GPATCH2: variants seen among roughly 807,000 people sequenced by gnomAD.
The protein encoded by GPATCH2 is G-patch domain containing 2, also known as G patch domain-containing protein 2.
In GPATCH2, 51 loss-of-function variants were observed where a neutral mutation model predicts 58.0. That is an observed-to-expected ratio of 0.88 (90% CI 0.70 to 1.11). GPATCH2 has a LOEUF of 1.11. GPATCH2 is among the 50% of genes most tolerant of loss of function. GPATCH2 has a pLI of 0.00. For synonymous variants in GPATCH2, 222 were observed against 218.5 expected, an observed-to-expected ratio of 1.02 and a Z score of -0.14; for missense variants, 625 against 652.2, an observed-to-expected ratio of 0.96 and a Z score of 0.45.
intron 5 of GPATCH2, among the ~76,000 whole-genome samples, chr1:217,552,951 T>C (rs1389440516): frequency 1.3e-5 from 2 of 152,042 alleles, no homozygotes; most frequent in African/African-American, 4.8e-5. Context: ...ATCTCAGGAG[T>C]GTGAATTTGA....
Position 217,567,918 on chromosome 1 carries a change from T to C in GPATCH2, c.1098+42403A>G, listed in dbSNP as rs566072994. Among the ~76,000 whole-genome samples, 152 of 152,208 alleles carry C rather than the reference T, an allele frequency of 1.0e-3. 1 individual carries two copies. The Middle Eastern group carries it at 0.014, about 14-fold the overall frequency. On this transcript the variant is annotated intron_variant, in intron 5 of 9. Coordinates refer to ENST00000366935, the MANE Select transcript of GPATCH2 (RefSeq NM_018040.5). ...GATCACAAGGTCAGGAGATCGAGACTATCCTGGCTAACATGGTGAAACCCC... is the reference window on the plus strand; with the variant it reads ...GATCACAAGGTCAGGAGATCGAGACCATCCTGGCTAACATGGTGAAACCCC...
intron 7 of GPATCH2, among the ~76,000 whole-genome samples, chr1:217,493,922 C>A (rs1268825230): frequency 2.0e-5 from 3 of 151,108 alleles, no homozygotes; most frequent in Non-Finnish European, 3.0e-5. Flanking sequence ...TACAACAGTT[C>A]AAACAAAGAA....
rs1175703173 is a variant in GPATCH2 at position 217,620,262 on chromosome 1, T to C, written c.294A>G (p.Glu98=). ...GATTCTCTCTATAGTCCTTGCTTGG[T>C]TCTTCTAAACTAGAATCAGAGCCTT... ...LSEGSDSSLE[E]PSKDYRENHN... The change falls in exon 2 of 10, where the codon GAA becomes GAG. Residue 98 remains glutamate, a synonymous_variant. Transcript: ENST00000366935. The C allele has an allele frequency of 3.1e-6, 5 of 1,613,912 alleles. No individual in the cohort carries two copies. Among genetic ancestry groups the C allele is most frequent in the Middle Eastern group, 1.6e-4 (1 of 6,084 alleles).
chr1:217,553,453 T>C (rs1396909161), intron 5 of GPATCH2, among the ~76,000 whole-genome samples: 2 of 152,122 alleles, frequency 1.3e-5, no homozygotes, highest in Non-Finnish European at 2.9e-5. Context: ...CATGTGAATA[T>C]GGCTTTAAGT....
intron 2 of GPATCH2, among the ~76,000 whole-genome samples, chr1:217,616,554 C>T (rs1296576543): frequency 6.6e-6 from 1 of 152,146 alleles, no homozygotes; most frequent in Non-Finnish European, 1.5e-5. Flanking sequence ...TGCATGTATA[C>T]AACATGTTTC....
At chr1:217,513,375 G>T (rs1483284664) in intron 6 of GPATCH2, among the ~76,000 whole-genome samples, 1 of 151,834 alleles carries the variant, frequency 6.6e-6, no homozygotes, top group African/African-American at 2.4e-5. Context: ...GCCACTATAA[G>T]ATTATGATAT....
intron 8 of GPATCH2, among the ~76,000 whole-genome samples, chr1:217,486,597 T>G (rs569377608): frequency 9.4e-4 from 143 of 152,280 alleles, no homozygotes; most frequent in African/African-American, 3.3e-3. Flanking sequence ...CCTTCCAAAG[T>G]GCTGGGATTA....
chr1:217,527,115 GTAA>G (rs1188697129), intron 5 of GPATCH2, among the ~76,000 whole-genome samples: 1 of 151,232 alleles, frequency 6.6e-6, no homozygotes, highest in East Asian at 1.9e-4. Flanking sequence ...GTATTACAAT[GTAA>G]TAATGATATA....
intron 5 of GPATCH2, among the ~76,000 whole-genome samples, chr1:217,584,182 T>G (rs1454617068): frequency 6.6e-6 from 1 of 151,598 alleles, no homozygotes; most frequent in Non-Finnish European, 1.5e-5. Context: ...CAATATTTTC[T>G]GTTCAAAGAG....
chr1:217,481,792 GACT>G (rs2102518230), intron 8 of GPATCH2, among the ~76,000 whole-genome samples: 1 of 152,186 alleles, frequency 6.6e-6, no homozygotes, highest in South Asian at 2.1e-4. Flanking sequence ...AGGAGTTTGA[GACT>G]ACATATGATG....
chr1:217,549,840 A>G (rs1665261321), intron 5 of GPATCH2, among the ~76,000 whole-genome samples: 1 of 152,214 alleles, frequency 6.6e-6, no homozygotes, highest in African/African-American at 2.4e-5. Flanking sequence ...GAAAAGCCTA[A>G]GACTAAAAAT....
chr1:217,603,432 T>G (rs1419524017), intron 5 of GPATCH2, among the ~76,000 whole-genome samples: 4 of 152,144 alleles, frequency 2.6e-5, no homozygotes, highest in African/African-American at 9.7e-5. Context: ...TTGGCACTAT[T>G]TAAATTTGTA....
chr1:217,498,570 T>C (rs867033303), intron 6 of GPATCH2, 175 bp from the exon 7 acceptor site: 1 of 628,942 alleles, frequency 1.6e-6, no homozygotes, highest in Non-Finnish European at 2.8e-6. Context: ...GACAGAACTG[T>C]AAAAGTGCTC....
intron 5 of GPATCH2, among the ~76,000 whole-genome samples, chr1:217,580,563 AT>A (rs764268352): frequency 5.3e-4 from 81 of 152,114 alleles, no homozygotes; most frequent in Non-Finnish European, 1.0e-3. Flanking sequence ...TCCTACTATA[AT>A]TTTTCTTTAT....
At chr1:217,531,697 G>C (rs912058545) in intron 5 of GPATCH2, among the ~76,000 whole-genome samples, 18 of 152,216 alleles carry the variant, frequency 1.2e-4, no homozygotes, top group African/African-American at 4.3e-4. Context: ...AAACATTTTT[G>C]ACAAGTTGGT....
chr1:217,454,518 G>A lies in GPATCH2; in HGVS notation c.1278-5181C>T, dbSNP rs556973394. Among the ~76,000 whole-genome samples, 4 of 149,096 alleles carry A rather than the reference G, an allele frequency of 2.7e-5. No homozygotes were observed. The East Asian group carries it at 8.0e-4, about 30-fold the overall frequency. On this transcript the variant is annotated intron_variant, in intron 8 of 9. Transcript: ENST00000366935. ...GCAGGAGAATGGCGTGAACCCGGAA[G>A]GCAGAGCTTGCAGTGAGTCGAGATC...
intron 6 of GPATCH2, among the ~76,000 whole-genome samples, chr1:217,502,262 G>T (rs1235187609): frequency 6.6e-6 from 1 of 151,886 alleles, no homozygotes; most frequent in East Asian, 1.9e-4. Flanking sequence ...AAAAAATCTT[G>T]CTGGGATTTT....
chr1:217,619,430 A>G (rs1188168904), intron 2 of GPATCH2, among the ~76,000 whole-genome samples: 2 of 152,212 alleles, frequency 1.3e-5, no homozygotes, highest in Non-Finnish European at 2.9e-5. Context: ...ATAAAGTACC[A>G]AAAGCTAAAG....
In GPATCH2 at chr1:217,446,863, C is replaced by G. The variant is rs540831716; in HGVS notation, c.1366+2386G>C. On this transcript the variant is annotated intron_variant, in intron 9 of 9. Coordinates refer to ENST00000366935, the MANE Select transcript of GPATCH2 (RefSeq NM_018040.5). ...TACTGAGTTGTAACGTCAAAATCGC[C>G]TTGCAGAAATAATTATATTATCCGC... is the stretch of plus-strand genomic sequence containing the variant. Among the ~76,000 whole-genome samples the G allele has an allele frequency of 2.0e-5, 3 of 152,258 alleles. No individual in the cohort carries two copies. The South Asian group carries it at 6.2e-4, about 32-fold the overall frequency.
Sources: gnomAD v4.1 joint callset for allele counts (sites outside exome capture counted in the v4.1 genomes callset) on GRCh38, gnomAD v4.1.1 for gene constraint, MANE v1.5 for transcripts, NCBI Gene and HGNC (gene_info 2026-07-23, HGNC 2026-07-21) for gene names.